The following CCSER2 variants were observed in gnomAD, a reference collection of about 807,000 sequenced individuals.
The protein encoded by CCSER2 is serine-rich coiled-coil domain-containing protein 2.
CCSER2 carries 46 observed loss-of-function variants against 92.3 expected under a neutral mutation model. The ratio of observed to expected loss-of-function variants is 0.50; its 90% CI spans 0.39 to 0.64. The LOEUF is 0.64. Among genes scored for constraint, CCSER2 ranks in the 30% least tolerant of loss-of-function variants. The probability of loss-of-function intolerance (pLI) is 0.00; values close to 1 mark genes in which losing one functional copy is unlikely to be tolerated. For missense variants in CCSER2, 1,244 were observed against 1,238.9 expected (o/e 1.00, Z -0.06); for synonymous variants, 433 against 431.4 (o/e 1.00, Z -0.04).
At chr10:84,488,471 G>T (rs1266381237) in intron 9 of CCSER2, among the ~76,000 whole-genome samples, 1 of 152,130 alleles carries the variant, frequency 6.6e-6, no homozygotes. Context: ...AGTCTTGGGA[G>T]GGTATATGTG....
chr10:84,380,015 C>T (rs1315133350), intron 3 of CCSER2, among the ~76,000 whole-genome samples: 2 of 152,046 alleles, frequency 1.3e-5, no homozygotes, highest in Non-Finnish European at 2.9e-5. Context: ...CTAGCTATAG[C>T]GTTCCTAGGA....
intron 1 of CCSER2, among the ~76,000 whole-genome samples, chr10:84,347,453 G>A (rs1263017621): frequency 9.6e-4 from 145 of 150,522 alleles, no homozygotes; most frequent in Non-Finnish European, 1.5e-3. Context: ...CTGGCCGGGC[G>A]GGGGCTGACC....
Position 84,382,463 on chromosome 10 carries a change from A to AT in CCSER2, c.1614+8654dup, listed in dbSNP as rs1341344097. The stretch of plus-strand genomic sequence containing the variant: ...TTTAACTTTCTTGATTAAATATAGC[A>AT]TTTTTTCTGATAAATATTATAATCA... On this transcript the variant is annotated intron_variant, in intron 3 of 9. Transcript: ENST00000372088. Among the ~76,000 whole-genome samples, 9 of 152,256 alleles carry AT rather than the reference A, an allele frequency of 5.9e-5. No individual in the cohort carries two copies. In the East Asian group the frequency reaches 1.2e-3, roughly 20 times the overall value.
intron 3 of CCSER2, among the ~76,000 whole-genome samples, chr10:84,404,465 T>TA (rs1230805285): frequency 6.6e-6 from 1 of 152,194 alleles, no homozygotes; most frequent in Non-Finnish European, 1.5e-5. Context: ...GAAGCAAGCA[T>TA]ATGCCACTGG....
intron 6 of CCSER2, among the ~76,000 whole-genome samples, chr10:84,461,263 TATATTC>T (rs1846084647): frequency 6.6e-6 from 1 of 152,208 alleles, no homozygotes; most frequent in African/African-American, 2.4e-5. Flanking sequence ...TAAATTCTCT[TATATTC>T]AGAGAGCATA....
chr10:84,362,347 C>G (rs971775903), intron 1 of CCSER2, among the ~76,000 whole-genome samples: 1 of 152,256 alleles, frequency 6.6e-6, no homozygotes, highest in South Asian at 2.1e-4. Context: ...TCAATATTGA[C>G]GTAGTTTGGC....
rs115713898 is a variant in CCSER2 at position 84,494,937 on chromosome 10, A to G, written c.2325+17273A>G. Among the ~76,000 whole-genome samples the G allele has an allele frequency of 6.2e-3, 947 of 151,990 alleles. 12 individuals are homozygous for G. The highest frequency in any genetic ancestry group is 0.022 in the African/African-American group (915 of 41,492). On this transcript the variant is annotated intron_variant, in intron 9 of 9. Coordinates refer to ENST00000372088, the MANE Select transcript of CCSER2 (RefSeq NM_001284240.2). ...AAATGAGTTTATTAGAGAAGTAAAG[A>G]AACAAAAGAATGGTTACACCACAAA...
At chr10:84,507,036 C>T (rs1441983480) in intron 9 of CCSER2, among the ~76,000 whole-genome samples, 2 of 152,160 alleles carry the variant, frequency 1.3e-5, no homozygotes, top group Admixed American at 6.5e-5. Flanking sequence ...AAGTTTTACA[C>T]ATGCCTTTCT....
At chr10:84,415,013 T>C (rs906254878) in intron 3 of CCSER2, among the ~76,000 whole-genome samples, 1 of 152,208 alleles carries the variant, frequency 6.6e-6, no homozygotes, top group African/African-American at 2.4e-5. Flanking sequence ...GTTATGTTCC[T>C]CTCTCAACCA....
At chr10:84,513,013 A>G (rs1046562624) in intron 9 of CCSER2, among the ~76,000 whole-genome samples, 12 of 151,910 alleles carry the variant, frequency 7.9e-5, no homozygotes, top group Non-Finnish European at 1.5e-4. Context: ...ACTTGTTAAC[A>G]TGGTGTACAA....
In CCSER2 at chr10:84,371,103, G is replaced by T. The variant is rs769650079; in HGVS notation, c.51G>T (p.Lys17Asn). ...IKTFLGSKLPKYGTKSVRSTL... is the reference protein window; with the variant it reads ...IKTFLGSKLPNYGTKSVRSTL... ...CATTTTTGGGTTCCAAGTTGCCAAA[G>T]TATGGAACAAAATCTGTAAGAAGTA... Residue 17 changes from lysine to asparagine, a missense_variant, in exon 2 of 10, where the codon AAG (lysine) becomes AAT (asparagine). By Grantham distance (94) the Lys-to-Asn change is moderately conservative. Coordinates refer to ENST00000372088, the MANE Select transcript of CCSER2 (RefSeq NM_001284240.2). 3 of 1,607,910 alleles carry T rather than the reference G, an allele frequency of 1.9e-6. No homozygotes were observed. The highest frequency in any genetic ancestry group is 2.5e-6 in the Non-Finnish European group (3 of 1,177,918).
intron 8 of CCSER2, among the ~76,000 whole-genome samples, chr10:84,476,624 T>C (rs1847163876): frequency 6.6e-6 from 1 of 151,844 alleles, no homozygotes. Context: ...TTTGTATTTT[T>C]AGTAGAGATG....
intron 1 of CCSER2, among the ~76,000 whole-genome samples, chr10:84,355,992 A>G (rs1035398612): frequency 6.6e-6 from 1 of 151,408 alleles, no homozygotes; most frequent in Non-Finnish European, 1.5e-5. Context: ...AATCACAGTT[A>G]CTTGGGAGGC....
At chr10:84,360,540 A>T (rs1408155683) in intron 1 of CCSER2, among the ~76,000 whole-genome samples, 2 of 152,220 alleles carry the variant, frequency 1.3e-5, no homozygotes, top group African/African-American at 4.8e-5. Flanking sequence ...TAACTTACAT[A>T]CAATAAAATA....
At chr10:84,480,664 T>C (rs1291246949) in intron 9 of CCSER2, among the ~76,000 whole-genome samples, 2 of 152,294 alleles carry the variant, frequency 1.3e-5, no homozygotes, top group Non-Finnish European at 2.9e-5. Context: ...CTATAGCAAA[T>C]ATAGAAAATA....
chr10:84,380,567 G>A (rs940936540), intron 3 of CCSER2, among the ~76,000 whole-genome samples: 1 of 152,082 alleles, frequency 6.6e-6, no homozygotes, highest in African/African-American at 2.4e-5. Context: ...AGGCCATAGA[G>A]GTATTTTGTT....
intron 6 of CCSER2, among the ~76,000 whole-genome samples, chr10:84,442,927 G>C (rs1165785667): frequency 6.6e-6 from 1 of 152,114 alleles, no homozygotes; most frequent in Admixed American, 6.5e-5. Context: ...ATGGTGTTGG[G>C]AAAACTGGCT....
chr10:84,504,795 G>A (rs1219637170), intron 9 of CCSER2, among the ~76,000 whole-genome samples: 3 of 152,096 alleles, frequency 2.0e-5, no homozygotes, highest in African/African-American at 7.2e-5. Context: ...ACAACTCAGA[G>A]CCAGAGATAT....
intron 9 of CCSER2, chr10:84,507,472 CT>C: frequency 5.9e-6 from 1 of 168,548 alleles, no homozygotes; most frequent in South Asian, 2.0e-4. Flanking sequence ...TTCCACCTTC[CT>C]TTTTATGGTT....
Sources: gnomAD v4.1 joint callset for allele counts (sites outside exome capture counted in the v4.1 genomes callset) on GRCh38, gnomAD v4.1.1 for gene constraint, MANE v1.5 for transcripts, NCBI Gene and HGNC (gene_info 2026-07-23, HGNC 2026-07-21) for gene names.